Variants in TENM3 observed in about 807,000 individuals in gnomAD.
The protein encoded by TENM3 is teneurin-3.
In TENM3, 63 loss-of-function variants were observed where a neutral mutation model predicts 255.1. The ratio of observed to expected loss-of-function variants is 0.25; its 90% CI spans 0.20 to 0.30. TENM3 has a LOEUF of 0.30. Among genes scored for constraint, TENM3 ranks in the 10% least tolerant of loss-of-function variants. The pLI is 1.00. For synonymous variants in TENM3, 1,306 were observed against 1,322.3 expected (o/e 0.99, Z 0.27); for missense variants, 2,929 against 3,461.1 (o/e 0.85, Z 3.86).
chr4:181,897,041 C>T, the TENM3 span, among the ~76,000 whole-genome samples: 6 of 152,172 alleles, frequency 3.9e-5, no homozygotes, highest in African/African-American at 1.4e-4. Context: ...AGAACTCCTG[C>T]TTTTCACCCT....
At chr4:181,683,033 T>TTAAA in the TENM3 span, among the ~76,000 whole-genome samples, 52 of 151,348 alleles carry the variant, frequency 3.4e-4, no homozygotes, top group South Asian at 3.7e-3. Flanking sequence ...GATTCCATCA[T>TTAAA]TAAATAAATA....
At chr4:181,511,926 C>T in the TENM3 span, among the ~76,000 whole-genome samples, 2 of 152,032 alleles carry the variant, frequency 1.3e-5, no homozygotes, top group South Asian at 2.1e-4. Flanking sequence ...AATATGGCAC[C>T]GGGGGCCCCT....
the TENM3 span, among the ~76,000 whole-genome samples, chr4:181,808,239 A>G: frequency 6.6e-6 from 1 of 152,234 alleles, no homozygotes; most frequent in Non-Finnish European, 1.5e-5. Flanking sequence ...TAGCAAAATC[A>G]ATATGCTATA....
the TENM3 span, among the ~76,000 whole-genome samples, chr4:181,927,184 G>A: frequency 1.6e-4 from 25 of 152,228 alleles, no homozygotes; most frequent in African/African-American, 5.8e-4. Context: ...CCCAGAAAAG[G>A]GACCGAGTCC....
chr4:182,618,632 A>AAG (rs1303059863), intron 4 of TENM3, among the ~76,000 whole-genome samples: 1 of 151,876 alleles, frequency 6.6e-6, no homozygotes, highest in Non-Finnish European at 1.5e-5. Flanking sequence ...TAAAAAAAAA[A>AAG]AAAGCAAAAC....
At chr4:181,605,592 A>AGAAAAAGAAAG in the TENM3 span, among the ~76,000 whole-genome samples, 14 of 116,044 alleles carry the variant, frequency 1.2e-4, 2 homozygotes, top group South Asian at 2.8e-4. Flanking sequence ...AAGGAAAGAA[A>AGAAAAAGAAAG]GAAAGAAAGA....
the TENM3 span, among the ~76,000 whole-genome samples, chr4:181,986,833 A>G: frequency 6.6e-6 from 1 of 152,132 alleles, no homozygotes; most frequent in Non-Finnish European, 1.5e-5. Context: ...ATAGATATAC[A>G]TCTATAGGCA....
intron 3 of TENM3, among the ~76,000 whole-genome samples, chr4:182,579,063 G>T (rs1225394899): frequency 6.6e-6 from 1 of 152,126 alleles, no homozygotes; most frequent in Non-Finnish European, 1.5e-5. Context: ...CCTCAATTAG[G>T]GAATAAGCCC....
At chr4:182,387,415 G>A (rs1206841675) in intron 3 of TENM3, among the ~76,000 whole-genome samples, 1 of 152,082 alleles carries the variant, frequency 6.6e-6, no homozygotes, top group African/African-American at 2.4e-5. Context: ...GATTGTAAAC[G>A]CACCAATCAG....
the TENM3 span, among the ~76,000 whole-genome samples, chr4:181,752,908 C>A: frequency 6.6e-6 from 1 of 151,944 alleles, no homozygotes; most frequent in African/African-American, 2.4e-5. Context: ...GAGACTTATC[C>A]CATGTGCTGG....
chr4:181,744,784 C>G, the TENM3 span, among the ~76,000 whole-genome samples: 1 of 152,112 alleles, frequency 6.6e-6, no homozygotes, highest in Admixed American at 6.5e-5. Context: ...GATGAGAGAT[C>G]AAGAAGAGCC....
the TENM3 span, among the ~76,000 whole-genome samples, chr4:181,553,192 G>A: frequency 2.0e-5 from 3 of 151,480 alleles, no homozygotes; most frequent in Non-Finnish European, 4.4e-5. Context: ...AGATCCTGAA[G>A]ATCCAGAAAA....
At chr4:182,657,560 C>G (rs574478414) in intron 6 of TENM3, among the ~76,000 whole-genome samples, 1 of 152,302 alleles carries the variant, frequency 6.6e-6, no homozygotes, top group African/African-American at 2.4e-5. Flanking sequence ...ACATTCCAGT[C>G]TCTCACATCT....
chr4:182,586,080 C>A (rs1745995137), intron 3 of TENM3, among the ~76,000 whole-genome samples: 1 of 152,160 alleles, frequency 6.6e-6, no homozygotes, highest in African/African-American at 2.4e-5. Context: ...ATAGCAAGAC[C>A]CCCACCTCTA....
chr4:181,633,820 C>G, the TENM3 span, among the ~76,000 whole-genome samples: 1 of 152,156 alleles, frequency 6.6e-6, no homozygotes, highest in African/African-American at 2.4e-5. Context: ...AGCGTTTGTT[C>G]CCCCACACAA....
intron 1 of TENM3, among the ~76,000 whole-genome samples, chr4:182,215,054 G>A (rs1160366973): frequency 6.6e-6 from 1 of 152,156 alleles, no homozygotes. Flanking sequence ...GATTACAGGC[G>A]TGAAACTCAA....
intron 7 of TENM3, among the ~76,000 whole-genome samples, chr4:182,675,580 G>A (rs1755603541): frequency 6.6e-6 from 1 of 151,806 alleles, no homozygotes; most frequent in Admixed American, 6.6e-5. Flanking sequence ...TTAAGTGGAA[G>A]TCCTCTATAA....
chr4:182,235,429 T>C (rs1340280784), intron 1 of TENM3, among the ~76,000 whole-genome samples: 1 of 152,172 alleles, frequency 6.6e-6, no homozygotes, highest in Admixed American at 6.5e-5. Flanking sequence ...TCTCCAGTGT[T>C]AGTAAAGACA....
the TENM3 span, among the ~76,000 whole-genome samples, chr4:181,786,712 T>TA: frequency 7.0e-6 from 1 of 143,176 alleles, no homozygotes; most frequent in Non-Finnish European, 1.5e-5. Context: ...TTTTTTTTTT[T>TA]CCTGGAAAGT....
Sources: gnomAD v4.1 joint callset for allele counts (sites outside exome capture counted in the v4.1 genomes callset) on GRCh38, gnomAD v4.1.1 for gene constraint, MANE v1.5 for transcripts, NCBI Gene and HGNC (gene_info 2026-07-23, HGNC 2026-07-21) for gene names.